THEMIS: variants seen among roughly 807,000 people sequenced by gnomAD.
The protein encoded by THEMIS is thymocyte selection associated.
Under a neutral mutation model 52.6 loss-of-function variants are expected in THEMIS, and 37 were observed. The ratio of observed to expected loss-of-function variants is 0.70; its 90% CI spans 0.54 to 0.93. The LOEUF is 0.93. THEMIS is among the 40% of genes least tolerant of loss of function. The pLI is 0.00. For synonymous variants in THEMIS, 292 were observed against 272.7 expected, an observed-to-expected ratio of 1.07 and a Z score of -0.70; for missense variants, 808 against 763.1, an observed-to-expected ratio of 1.06 and a Z score of -0.69.
At chr6:127,778,831 ATTTTT>A (rs58524604) in intron 4 of THEMIS, among the ~76,000 whole-genome samples, 1 of 142,220 alleles carries the variant, frequency 7.0e-6, no homozygotes, top group East Asian at 2.1e-4. Context: ...CTCAAGTGGA[ATTTTT>A]TTTTTTTTTT....
At position 127,855,135 on chromosome 6, in the gene THEMIS, T is replaced by C; in HGVS notation, c.145A>G (p.Ile49Val). 1.9e-6 allele frequency: 3 copies of C among 1,610,384 alleles called. No individual in the cohort carries two copies. The highest frequency in any genetic ancestry group is 2.5e-6 in the Non-Finnish European group (3 of 1,178,132). ...TTAACTTTGAGACCAGTAATTTTAA[T>C]CACTTCTCCTGTTGAAAAACAGCAT... ...NECCFSTGEV[I>V]KITGLKVKKI... is the part of the protein sequence containing the mutation. Residue 49 changes from isoleucine (I) to valine (V), a missense_variant, in exon 2 of 6, where the codon ATT (isoleucine) becomes GTT (valine). By Grantham distance (29) the Ile-to-Val change is conservative. Transcript: ENST00000368248.
At chr6:127,845,196 C>T (rs1038731088) in intron 2 of THEMIS, among the ~76,000 whole-genome samples, 6 of 151,890 alleles carry the variant, frequency 4.0e-5, no homozygotes, top group African/African-American at 1.2e-4. Flanking sequence ...GGCTGGGTAT[C>T]TTTCCTCAGT....
intron 4 of THEMIS, among the ~76,000 whole-genome samples, chr6:127,751,317 C>A (rs540058645): frequency 6.6e-6 from 1 of 151,368 alleles, no homozygotes; most frequent in Non-Finnish European, 1.5e-5. Context: ...AGATCTTTTA[C>A]GTAAGTCTCA....
intron 1 of THEMIS, among the ~76,000 whole-genome samples, chr6:127,889,121 G>A (rs1379310564): frequency 6.6e-6 from 1 of 152,032 alleles, no homozygotes; most frequent in East Asian, 1.9e-4. Context: ...TAGCAACATA[G>A]GCTATTGAAG....
Position 127,880,730 on chromosome 6 carries a change from T to A in THEMIS, c.91+20112A>T, listed in dbSNP as rs188150583. On this transcript the variant is annotated intron_variant, in intron 1 of 5. Coordinates refer to ENST00000368248, the MANE Select transcript of THEMIS (RefSeq NM_001010923.3). ...AAAACCTCTTGAGTCCTATCTATTT[T>A]TTGTAAGAACCAGAAAATCAGACAG... 7.2e-4 allele frequency among the ~76,000 whole-genome samples: 110 copies of A among 152,254 alleles called. 1 individual carries two copies. In the South Asian group the frequency reaches 0.011, roughly 15 times the overall value.
At chr6:127,784,580 G>C (rs1776859214) in intron 4 of THEMIS, among the ~76,000 whole-genome samples, 1 of 152,072 alleles carries the variant, frequency 6.6e-6, no homozygotes, top group Admixed American at 6.5e-5. Context: ...ACACAAAGCA[G>C]GCCAATCAGG....
intron 1 of THEMIS, among the ~76,000 whole-genome samples, chr6:127,861,011 C>CCTCTGTGGAT (rs1272989243): frequency 6.6e-6 from 1 of 152,010 alleles, no homozygotes; most frequent in African/African-American, 2.4e-5. Flanking sequence ...CCTGTGTATC[C>CCTCTGTGGAT]ACAGAACACT....
intron 4 of THEMIS, among the ~76,000 whole-genome samples, chr6:127,792,492 T>A (rs1777192640): frequency 6.6e-6 from 1 of 152,214 alleles, no homozygotes; most frequent in Admixed American, 6.5e-5. Flanking sequence ...TTATAGTTTC[T>A]GGGAAAGAGA....
intron 4 of THEMIS, among the ~76,000 whole-genome samples, chr6:127,802,198 G>A (rs1777558985): frequency 6.6e-6 from 1 of 152,190 alleles, no homozygotes; most frequent in African/African-American, 2.4e-5. Flanking sequence ...GGATGGTGGA[G>A]TGGATTAGTC....
chr6:127,854,970 T>C, intron 2 of THEMIS, 60 bp downstream of exon 2: 5 of 1,450,682 alleles, frequency 3.4e-6, no homozygotes, highest in Middle Eastern at 1.8e-4. Flanking sequence ...TGGTTGTGTA[T>C]ATATACATAT....
intron 2 of THEMIS, among the ~76,000 whole-genome samples, chr6:127,841,643 T>C (rs1779050392): frequency 6.6e-6 from 1 of 152,002 alleles, no homozygotes; most frequent in African/African-American, 2.4e-5. Flanking sequence ...CTGTTTGTCT[T>C]TTGGCTAATA....
intron 4 of THEMIS, among the ~76,000 whole-genome samples, chr6:127,805,687 C>T (rs971506406): frequency 6.6e-6 from 1 of 151,908 alleles, no homozygotes; most frequent in African/African-American, 2.4e-5. Context: ...GGAAGCAAAG[C>T]ATAAATATAT....
intron 3 of THEMIS, among the ~76,000 whole-genome samples, chr6:127,819,112 T>A (rs1324576168): frequency 6.6e-5 from 5 of 75,420 alleles, no homozygotes; most frequent in Admixed American, 4.7e-4. Context: ...AGAGTGAGAC[T>A]CTGTCTAAAA....
chr6:127,867,922 A>G (rs1449766484), intron 1 of THEMIS, among the ~76,000 whole-genome samples: 1 of 141,862 alleles, frequency 7.0e-6, no homozygotes, highest in African/African-American at 2.6e-5. Context: ...AATTACTATT[A>G]AACACACACA....
chr6:127,889,056 A>G (rs1780727932), intron 1 of THEMIS, among the ~76,000 whole-genome samples: 1 of 152,112 alleles, frequency 6.6e-6, no homozygotes, highest in Non-Finnish European at 1.5e-5. Context: ...TTCTTATTTC[A>G]CTACATGTCA....
At position 127,839,853 on chromosome 6, in the gene THEMIS, A is replaced by G. The variant is rs185209811; in HGVS notation, c.251-9919T>C. 2.6e-5 allele frequency among the ~76,000 whole-genome samples: 4 copies of G among 152,230 alleles called. No individual in the cohort carries two copies. In the East Asian group the frequency reaches 5.8e-4, roughly 22 times the overall value. ...CCTACCTGACTACAGGGCATCGTTG[A>G]CAGTGTGACCCTCTGCCAGGTCTGT... On this transcript the variant is annotated intron_variant, in intron 2 of 5. Coordinates refer to ENST00000368248, the MANE Select transcript of THEMIS (RefSeq NM_001010923.3).
the THEMIS span, among the ~76,000 whole-genome samples, chr6:127,697,939 C>T: frequency 2.0e-5 from 3 of 152,118 alleles, no homozygotes; most frequent in Non-Finnish European, 4.4e-5. Context: ...TCAAGTTACT[C>T]CTCCATGTAT....
intron 4 of THEMIS, among the ~76,000 whole-genome samples, chr6:127,760,726 A>G (rs979761218): frequency 2.6e-5 from 4 of 152,140 alleles, no homozygotes; most frequent in Admixed American, 2.6e-4. Flanking sequence ...GCAGTGAACT[A>G]TGATCATGCC....
At chr6:127,840,531 A>AT (rs977574289) in intron 2 of THEMIS, among the ~76,000 whole-genome samples, 15 of 152,210 alleles carry the variant, frequency 9.9e-5, no homozygotes, top group African/African-American at 3.4e-4. Context: ...ACTTTCCTGA[A>AT]TTTTCTCCCA....
Sources: gnomAD v4.1 joint callset for allele counts (sites outside exome capture counted in the v4.1 genomes callset) on GRCh38, gnomAD v4.1.1 for gene constraint, MANE v1.5 for transcripts, NCBI Gene and HGNC (gene_info 2026-07-23, HGNC 2026-07-21) for gene names.